CCDC57: variants seen among roughly 807,000 people sequenced by gnomAD.
CCDC57 encodes coiled-coil domain-containing protein 57.
In CCDC57, 118 loss-of-function variants were observed where a neutral mutation model predicts 118.9. That is an observed-to-expected ratio of 0.99 (90% confidence interval 0.86 to 1.16). CCDC57 has a LOEUF of 1.16. Among genes scored for constraint, CCDC57 ranks in the 50% most tolerant of loss-of-function variants. CCDC57 has a pLI of 0.00. For missense variants in CCDC57, 1,300 were observed against 1,320.7 expected, an observed-to-expected ratio of 0.98 and a Z score of 0.24; for synonymous variants, 527 against 532.9, an observed-to-expected ratio of 0.99 and a Z score of 0.15.
chr17:82,101,932 C>A, intron 19 of CCDC57, 66 bp from the exon 19 acceptor site: 1 of 1,425,342 alleles, frequency 7.0e-7, no homozygotes, highest in Non-Finnish European at 9.4e-7. Flanking sequence ...GCTGTGCTCA[C>A]AGGCACTGCA....
intron 2 of CCDC57, among the ~76,000 whole-genome samples, chr17:82,206,915 C>G (rs1408322435): frequency 6.6e-6 from 1 of 152,160 alleles, no homozygotes; most frequent in Admixed American, 6.5e-5. Flanking sequence ...GGGTGTAGGC[C>G]GAACTAAGTT....
At chr17:82,110,323 A>G (rs1174982312) in intron 19 of CCDC57, among the ~76,000 whole-genome samples, 1 of 151,982 alleles carries the variant, frequency 6.6e-6, no homozygotes, top group Non-Finnish European at 1.5e-5. Context: ...TGCAGAAAAA[A>G]GAAAAAAATA....
chr17:82,126,590 G>A (rs2037467670), intron 19 of CCDC57: 4 of 985,168 alleles, frequency 4.1e-6, no homozygotes, highest in African/African-American at 1.7e-5. Context: ...TGCCAATCCT[G>A]CTGCCACCGG....
exon 9 of CCDC57, chr17:82,183,800 C>T (rs2046500309): frequency 3.2e-6 from 5 of 1,581,020 alleles, no homozygotes; most frequent in Non-Finnish European, 3.4e-6. Context: ...GGGATCGGGC[C>T]ACCTGTGCCT....
intron 19 of CCDC57, among the ~76,000 whole-genome samples, chr17:82,117,616 C>T (rs1353346868): frequency 6.6e-6 from 1 of 151,986 alleles, no homozygotes; most frequent in African/African-American, 2.4e-5. Context: ...GGCTGCGGCA[C>T]TACACTCCAG....
At chr17:82,174,733 G>A (rs1357050520) in intron 11 of CCDC57, among the ~76,000 whole-genome samples, 4 of 152,216 alleles carry the variant, frequency 2.6e-5, no homozygotes, top group African/African-American at 9.6e-5. Context: ...ACCTGGTACC[G>A]TTGCTTTTTG....
rs1356831216 is a variant in CCDC57 at position 82,172,358 on chromosome 17, C to T, written c.1729+280G>A. Among the ~76,000 whole-genome samples, 1 of 152,238 alleles carries T rather than the reference C, an allele frequency of 6.6e-6. No individual in the cohort carries two copies. The highest frequency in any genetic ancestry group is 1.5e-5 in the Non-Finnish European group (1 of 68,038). On this transcript the variant is annotated intron_variant, in intron 12 of 19. Coordinates refer to ENST00000665763, the Ensembl canonical transcript of CCDC57. This position sits in a 1 kb window ranked among gnomAD's most constrained non-coding sequence, Gnocchi z 5.2. ...GGGACAGCGCGACAGCAAGCCAGCC[C>T]TGGTCCAGGTCTAAAACAGGTTTTT...
intron 3 of CCDC57, among the ~76,000 whole-genome samples, chr17:82,198,672 A>T (rs1453399051): frequency 2.0e-5 from 3 of 150,076 alleles, no homozygotes; most frequent in South Asian, 2.1e-4. Context: ...GGATACAATT[A>T]AAAAAAAAAC....
At chr17:82,180,726 C>T (rs1016054930) in intron 9 of CCDC57, among the ~76,000 whole-genome samples, 18 of 152,322 alleles carry the variant, frequency 1.2e-4, no homozygotes, top group East Asian at 9.7e-4. Flanking sequence ...CCGCCCGCCT[C>T]GGCCTCCCAA....
chr17:82,107,510 C>T (rs1405964808), intron 19 of CCDC57: 2 of 470,842 alleles, frequency 4.2e-6, no homozygotes, highest in Non-Finnish European at 8.8e-6. Flanking sequence ...GGACCCCCGC[C>T]AGAAAGGAGG....
chr17:82,174,196 T>C (rs1331290908), intron 11 of CCDC57, among the ~76,000 whole-genome samples: 1 of 151,388 alleles, frequency 6.6e-6, no homozygotes, highest in Non-Finnish European at 1.5e-5. Context: ...ATCTGGGCCC[T>C]TCCCAGGACG....
chr17:82,106,268 AC>A (rs2034837212), intron 19 of CCDC57: 1 of 152,426 alleles, frequency 6.6e-6, no homozygotes, highest in Non-Finnish European at 1.5e-5. Flanking sequence ...GTCTGTCCCT[AC>A]CGGAGGCTGC....
intron 14 of CCDC57, among the ~76,000 whole-genome samples, chr17:82,161,601 G>A (rs764671866): frequency 6.6e-6 from 1 of 152,178 alleles, no homozygotes; most frequent in Non-Finnish European, 1.5e-5. Context: ...ATGCAGAGCT[G>A]AACCCTGAAA....
intron 2 of CCDC57, among the ~76,000 whole-genome samples, chr17:82,205,420 C>T (rs1437756457): frequency 2.0e-5 from 3 of 152,142 alleles, no homozygotes; most frequent in African/African-American, 7.2e-5. Flanking sequence ...AATGTGCCCG[C>T]GACTCCTGAC....
intron 4 of CCDC57, among the ~76,000 whole-genome samples, chr17:82,197,561 A>G (rs1244931205): frequency 6.6e-6 from 1 of 152,210 alleles, no homozygotes; most frequent in Non-Finnish European, 1.5e-5. Context: ...ATGTTTTTAA[A>G]ATTATACCTT....
At chr17:82,210,975 CAAAG>C (rs1025237255) in intron 1 of CCDC57, among the ~76,000 whole-genome samples, 1 of 112,346 alleles carries the variant, frequency 8.9e-6, no homozygotes, top group African/African-American at 3.5e-5. Context: ...GCCTGGGCGG[CAAAG>C]AGAGACTCCG....
At chr17:82,157,592 G>A (rs2042830063) in intron 15 of CCDC57, 156 bp downstream of exon 14, 2 of 1,437,068 alleles carry the variant, frequency 1.4e-6, no homozygotes, top group African/African-American at 1.4e-5. Flanking sequence ...GAGAGGGGGT[G>A]GAGCAGGGCC....
rs550022195 is a variant in CCDC57 at position 82,210,443 on chromosome 17, G to A, written c.-211+2342C>T. Among the ~76,000 whole-genome samples the A allele has an allele frequency of 2.7e-4, 41 of 151,940 alleles. No individual in the cohort carries two copies. In the South Asian group the frequency reaches 6.0e-3, roughly 22 times the overall value. On this transcript the variant is annotated intron_variant, in intron 1 of 19. Transcript: ENST00000665763. ...TCCCAGCACTTTCGGAGGCCAAGGC[G>A]GGCGGATCACTTGGGGTCAGCAGTT...
At chr17:82,195,559 G>C (rs1437634728) in intron 4 of CCDC57, among the ~76,000 whole-genome samples, 195 bp from the exon 4 acceptor site, 1 of 151,846 alleles carries the variant, frequency 6.6e-6, no homozygotes, top group Non-Finnish European at 1.5e-5. Context: ...CGGGAGGATC[G>C]CTTGAGCCCA....
Sources: allele counts gnomAD v4.1 joint callset (sites outside exome capture counted in the v4.1 genomes callset), GRCh38; gene constraint gnomAD v4.1.1; non-coding constraint Gnocchi (gnomAD v3.1); transcripts MANE v1.5; gene names NCBI Gene and HGNC (gene_info 2026-07-23, HGNC 2026-07-21).